Variants in TSHZ2 observed in about 807,000 individuals in gnomAD.
TSHZ2 encodes the protein teashirt zinc finger homeobox 2.
A neutral mutation model predicts 74.4 loss-of-function variants in TSHZ2; 21 were observed. The observed-to-expected ratio is 0.28, with a 90% CI of 0.20 to 0.41. The LOEUF is 0.41. Ranked by LOEUF, TSHZ2 falls within the 10% of genes least tolerant of loss-of-function variation. The pLI, the probability that TSHZ2 is intolerant of heterozygous loss-of-function variation, is 1.00. For synonymous variants in TSHZ2, 540 were observed against 515.3 expected, an observed-to-expected ratio of 1.05 and a Z score of -0.65; for missense variants, 1,244 against 1,293.5, an observed-to-expected ratio of 0.96 and a Z score of 0.59.
intron 1 of TSHZ2, among the ~76,000 whole-genome samples, chr20:52,994,291 T>C (rs1486148892): frequency 1.3e-5 from 2 of 152,018 alleles, no homozygotes; most frequent in Non-Finnish European, 2.9e-5. Context: ...GTTGAAAGAA[T>C]GAATGGGTGA....
chr20:53,226,765 C>T (rs549110242), intron 1 of TSHZ2, among the ~76,000 whole-genome samples: 1 of 152,174 alleles, frequency 6.6e-6, no homozygotes, highest in African/African-American at 2.4e-5. Context: ...CAGCCTCTAC[C>T]CACTAGATGC....
chr20:53,254,688 C>T lies in TSHZ2; in HGVS notation c.1230C>T (p.Ser410=), dbSNP rs943787110. The change falls in exon 2 of 3, where the codon AGC becomes AGT. Residue 410 remains serine (S), a synonymous_variant. Coordinates refer to ENST00000371497, the MANE Select transcript of TSHZ2 (RefSeq NM_173485.6). The part of the protein sequence containing the change: ...MVTGHFLKVT[S]SASKKGKQLV... ...CAGGTCACTTTCTCAAGGTCACCAGCTCTGCCTCCAAGAAAGGGAAGCAGC... is the reference window on the plus strand; with the variant it reads ...CAGGTCACTTTCTCAAGGTCACCAGTTCTGCCTCCAAGAAAGGGAAGCAGC... 2 of 1,614,120 alleles carry T rather than the reference C, an allele frequency of 1.2e-6. No homozygotes were observed. Among genetic ancestry groups the T allele is most frequent in the Admixed American group, 1.7e-5 (1 of 60,010 alleles).
At chr20:53,195,314 A>G (rs961121479) in intron 1 of TSHZ2, among the ~76,000 whole-genome samples, 2 of 152,114 alleles carry the variant, frequency 1.3e-5, no homozygotes, top group African/African-American at 4.8e-5. Context: ...CTTGGGATCT[A>G]TTTGTTCAGA....
intron 2 of TSHZ2, among the ~76,000 whole-genome samples, chr20:53,363,154 G>C (rs1265816566): frequency 6.6e-6 from 1 of 152,274 alleles, no homozygotes; most frequent in Non-Finnish European, 1.5e-5. Context: ...GTGGGAATGA[G>C]CCTCTGCTGC....
chr20:53,402,290 T>A (rs925894587), intron 2 of TSHZ2, among the ~76,000 whole-genome samples: 4 of 152,252 alleles, frequency 2.6e-5, no homozygotes, highest in Non-Finnish European at 4.4e-5. Flanking sequence ...TCCATAATGG[T>A]TGTACTAGTT....
At chr20:53,016,517 G>A (rs140145202) in intron 1 of TSHZ2, among the ~76,000 whole-genome samples, 19 of 152,272 alleles carry the variant, frequency 1.2e-4, no homozygotes, top group Non-Finnish European at 2.1e-4. Context: ...CATCCTCAAC[G>A]CAGGCATCTT....
intron 1 of TSHZ2, among the ~76,000 whole-genome samples, chr20:52,984,692 G>A (rs1288802191): frequency 6.6e-6 from 1 of 152,170 alleles, no homozygotes; most frequent in Non-Finnish European, 1.5e-5. Flanking sequence ...AGGCTCCTCT[G>A]GCTGTCCTGC....
At chr20:53,128,386 C>A (rs11698011) in intron 1 of TSHZ2, among the ~76,000 whole-genome samples, 44,578 of 151,948 alleles carry the variant, frequency 0.29, 6,913 homozygotes, top group African/African-American at 0.39. Context: ...TTTCTTGTTC[C>A]GTACCTGCTT....
At chr20:53,452,146 A>G (rs565092167) in intron 2 of TSHZ2, among the ~76,000 whole-genome samples, 2 of 152,326 alleles carry the variant, frequency 1.3e-5, no homozygotes, top group South Asian at 2.1e-4. Context: ...AGTTCATGCA[A>G]TGGGTCTAGG....
chr20:53,019,255 T>A (rs1983150229), intron 1 of TSHZ2, among the ~76,000 whole-genome samples: 1 of 152,098 alleles, frequency 6.6e-6, no homozygotes, highest in Non-Finnish European at 1.5e-5. Flanking sequence ...TGGGTTTTTT[T>A]TTTTTTCTTT....
At chr20:53,393,942 C>T (rs1314125695) in intron 2 of TSHZ2, among the ~76,000 whole-genome samples, 1 of 152,052 alleles carries the variant, frequency 6.6e-6, no homozygotes, top group East Asian at 1.9e-4. Flanking sequence ...CTCATCTATT[C>T]AGGTGAGGTA....
At chr20:53,214,777 G>A (rs1454310644) in intron 1 of TSHZ2, among the ~76,000 whole-genome samples, 1 of 151,940 alleles carries the variant, frequency 6.6e-6, no homozygotes, top group Non-Finnish European at 1.5e-5. Flanking sequence ...AGGAAGGGAG[G>A]GTGTGTAGAG....
intron 1 of TSHZ2, among the ~76,000 whole-genome samples, chr20:53,073,758 T>TAA (rs796957656): frequency 6.8e-6 from 1 of 147,280 alleles, no homozygotes; most frequent in African/African-American, 2.5e-5. Flanking sequence ...TCCGTCAAGT[T>TAA]AAAAAAAAAA....
intron 2 of TSHZ2, among the ~76,000 whole-genome samples, chr20:53,458,298 G>A (rs892845924): frequency 6.0e-4 from 90 of 151,222 alleles, no homozygotes; most frequent in African/African-American, 2.1e-3. Flanking sequence ...GAGAGTGTAT[G>A]TGTCGAGGAA....
At chr20:53,349,386 C>T (rs1278289791) in intron 2 of TSHZ2, among the ~76,000 whole-genome samples, 1 of 152,092 alleles carries the variant, frequency 6.6e-6, no homozygotes, top group African/African-American at 2.4e-5. Context: ...GTGAGGTGGC[C>T]CATGCCTATA....
intron 1 of TSHZ2, among the ~76,000 whole-genome samples, chr20:53,085,106 A>G (rs898594706): frequency 7.9e-5 from 12 of 152,258 alleles, no homozygotes; most frequent in Admixed American, 3.9e-4. Context: ...CACGACTGTA[A>G]TCCCAATACT....
At chr20:53,127,812 G>C (rs749530985) in intron 1 of TSHZ2, among the ~76,000 whole-genome samples, 1 of 152,162 alleles carries the variant, frequency 6.6e-6, no homozygotes, top group African/African-American at 2.4e-5. Flanking sequence ...ACTTGCTCAC[G>C]GTCAGAGGGC....
At chr20:53,329,986 T>A (rs973721689) in intron 2 of TSHZ2, among the ~76,000 whole-genome samples, 15 of 152,352 alleles carry the variant, frequency 9.8e-5, no homozygotes, top group African/African-American at 3.6e-4. Flanking sequence ...AATAAAGTTT[T>A]ATTGGAACAC....
intron 1 of TSHZ2, among the ~76,000 whole-genome samples, chr20:53,177,621 A>G (rs1354332628): frequency 1.3e-5 from 2 of 152,220 alleles, no homozygotes; most frequent in African/African-American, 2.4e-5. Flanking sequence ...ATTTAAAAAG[A>G]TATTAAAAAT....
Sources: allele counts gnomAD v4.1 joint callset (sites outside exome capture counted in the v4.1 genomes callset), GRCh38; gene constraint gnomAD v4.1.1; transcripts MANE v1.5; gene names NCBI Gene and HGNC (gene_info 2026-07-23, HGNC 2026-07-21).